The following KMT2C variants were observed in gnomAD, a reference collection of about 807,000 sequenced individuals.
The protein encoded by KMT2C is histone-lysine N-methyltransferase 2C.
A neutral mutation model predicts 507.9 loss-of-function variants in KMT2C; 88 were observed. The ratio of observed to expected loss-of-function variants is 0.17; its 90% CI spans 0.15 to 0.21. The LOEUF (loss-of-function observed/expected upper bound fraction) is 0.21. Ranked by LOEUF, KMT2C falls within the 10% of genes least tolerant of loss-of-function variation. KMT2C has a pLI of 1.00. For missense variants in KMT2C, 4,954 were observed against 5,957.8 expected (o/e 0.83, Z 5.55); for synonymous variants, 2,049 against 2,080.8 (o/e 0.98, Z 0.42).
intron 24 of KMT2C, among the ~76,000 whole-genome samples, chr7:152,206,208 G>A (rs10269962): frequency 0.042 from 6,324 of 152,084 alleles, 451 homozygotes; most frequent in African/African-American, 0.14. Flanking sequence ...TTTGTGAAAT[G>A]ATATCGTTGT....
At chr7:152,308,887 CAG>C (rs2096644768) in intron 6 of KMT2C, among the ~76,000 whole-genome samples, 1 of 152,014 alleles carries the variant, frequency 6.6e-6, no homozygotes, top group East Asian at 1.9e-4. Context: ...TATCACTTCA[CAG>C]AGTTTGCTGT....
At chr7:152,319,084 C>T (rs2096747816) in intron 3 of KMT2C, among the ~76,000 whole-genome samples, 1 of 152,100 alleles carries the variant, frequency 6.6e-6, no homozygotes, top group African/African-American at 2.4e-5. Context: ...CATAAAATTA[C>T]TTAAATATTC....
intron 14 of KMT2C, among the ~76,000 whole-genome samples, chr7:152,240,405 C>G (rs533746169): frequency 6.6e-6 from 1 of 151,914 alleles, no homozygotes; most frequent in African/African-American, 2.4e-5. Context: ...ATCTCCTGTA[C>G]GTGTTCTTCC....
At chr7:152,346,320 A>G (rs910284404) in intron 2 of KMT2C, among the ~76,000 whole-genome samples, 3 of 152,226 alleles carry the variant, frequency 2.0e-5, no homozygotes, top group Non-Finnish European at 4.4e-5. Flanking sequence ...TACAAGGTAG[A>G]CCACATTCTG....
At chr7:152,252,954 G>T (rs1356385826) in intron 9 of KMT2C, among the ~76,000 whole-genome samples, 1 of 151,986 alleles carries the variant, frequency 6.6e-6, no homozygotes, top group Non-Finnish European at 1.5e-5. Context: ...CTGGGTTCAA[G>T]TGATTCTCTC....
At chr7:152,304,685 A>G (rs1416528428) in intron 6 of KMT2C, among the ~76,000 whole-genome samples, 1 of 152,120 alleles carries the variant, frequency 6.6e-6, no homozygotes, top group East Asian at 1.9e-4. Context: ...GCTACATAAT[A>G]AAGGTCAGCA....
At chr7:152,242,320 TATG>T (rs1480201934) in intron 14 of KMT2C, among the ~76,000 whole-genome samples, 1 of 152,206 alleles carries the variant, frequency 6.6e-6, no homozygotes, top group Non-Finnish European at 1.5e-5. Context: ...AACAATGAAC[TATG>T]ATATGAAACA....
In KMT2C at chr7:152,162,365, C is replaced by T. The variant is rs757552168; in HGVS notation, c.11212G>A (p.Glu3738Lys). 2 of 1,614,240 alleles carry T rather than the reference C, an allele frequency of 1.2e-6. No individual in the cohort carries two copies. Among genetic ancestry groups the T allele is most frequent in the Non-Finnish European group, 1.7e-6 (2 of 1,180,046 alleles). The change falls in exon 43 of 59, where the codon GAA (glutamate) becomes AAA (lysine). Residue 3738 changes from glutamate (E) to lysine (K), a missense_variant. Physicochemically the swap from Glu to Lys is moderately conservative, Grantham distance 56. Around this residue, in one of 29 missense-constraint regions of KMT2C, gnomAD observed 801 missense variants for 751.2 expected, o/e 1.07. Transcript: ENST00000262189. ...CPGQEEPKLEEQNGSKVEGNA... is the reference protein window; with the variant it reads ...CPGQEEPKLEKQNGSKVEGNA... ...CCTTCTACCTTACTACCATTCTGTTCCTCCAATTTAGGCTCCTCTTGGCCT... is the reference window on the plus strand; with the variant it reads ...CCTTCTACCTTACTACCATTCTGTTTCTCCAATTTAGGCTCCTCTTGGCCT...
At chr7:152,412,954 T>C (rs2097698028) in intron 1 of KMT2C, among the ~76,000 whole-genome samples, 1 of 151,920 alleles carries the variant, frequency 6.6e-6, no homozygotes, top group Admixed American at 6.6e-5. Context: ...TCAGAATAAT[T>C]AAAAGGAGTT....
intron 1 of KMT2C, among the ~76,000 whole-genome samples, chr7:152,379,374 C>CT (rs1316873229): frequency 6.6e-6 from 1 of 152,078 alleles, no homozygotes; most frequent in East Asian, 1.9e-4. Flanking sequence ...CCCATCTCTA[C>CT]TAAATATACA....
chr7:152,340,973 T>C (rs1318203582), intron 2 of KMT2C, among the ~76,000 whole-genome samples: 1 of 152,248 alleles, frequency 6.6e-6, no homozygotes, highest in Non-Finnish European at 1.5e-5. Context: ...GTATTTCCTT[T>C]AGTTTTCCTA....
At chr7:152,305,205 C>T (rs1312052662) in intron 6 of KMT2C, among the ~76,000 whole-genome samples, 1 of 151,966 alleles carries the variant, frequency 6.6e-6, no homozygotes, top group African/African-American at 2.4e-5. Flanking sequence ...GGGAGATGAA[C>T]AATAAGTAAG....
chr7:152,432,065 CAAT>C (rs1445114748), intron 1 of KMT2C, among the ~76,000 whole-genome samples: 2 of 152,134 alleles, frequency 1.3e-5, no homozygotes, highest in Non-Finnish European at 2.9e-5. Flanking sequence ...TTTTCTACAA[CAAT>C]AATGCTTAAG....
intron 2 of KMT2C, among the ~76,000 whole-genome samples, chr7:152,332,260 A>G (rs2096891674): frequency 6.6e-6 from 1 of 152,108 alleles, no homozygotes; most frequent in African/African-American, 2.4e-5. Flanking sequence ...TAAAAATTAT[A>G]TGTCCACTCT....
intron 3 of KMT2C, among the ~76,000 whole-genome samples, chr7:152,330,154 G>C (rs1563884230): frequency 7.6e-6 from 1 of 130,778 alleles, no homozygotes; most frequent in African/African-American, 2.8e-5. Flanking sequence ...AAAAAAGGGA[G>C]GGGGGGAGGG....
rs2091567170 is a variant in KMT2C, at chr7:152,150,952, T to C, written c.12722A>G (p.Asn4241Ser). 5 of 1,613,670 alleles carry C rather than the reference T, an allele frequency of 3.1e-6. No homozygotes were observed. The highest frequency in any genetic ancestry group is 4.2e-6 in the Non-Finnish European group (5 of 1,179,800). ...AGTTGATGAATAAAGAATAAAGCAG[T>C]TATTACTACAGAAGACAATGTCCTT... ...VEKDIVFCSNNCFILYSSTAQ... is the reference protein window; with the variant it reads ...VEKDIVFCSNSCFILYSSTAQ... Residue 4241 changes from asparagine (N) to serine (S), a missense_variant, in exon 51 of 59, where the codon AAC becomes AGC. This residue lies in a region of KMT2C where 417 missense variants were observed against 461.1 expected (regional missense o/e 0.90). Coordinates refer to ENST00000262189, the MANE Select transcript of KMT2C (RefSeq NM_170606.3).
At chr7:152,427,389 T>C (rs1390200541) in intron 1 of KMT2C, among the ~76,000 whole-genome samples, 2 of 152,262 alleles carry the variant, frequency 1.3e-5, no homozygotes, top group African/African-American at 4.8e-5. Context: ...TTTGGGTTTA[T>C]GTGCTTTTCA....
At chr7:152,333,055 T>C (rs947468979) in intron 2 of KMT2C, among the ~76,000 whole-genome samples, 22 of 152,216 alleles carry the variant, frequency 1.4e-4, no homozygotes, top group African/African-American at 4.8e-4. Context: ...AGAGATATAA[T>C]AGTCTAATAT....
At position 152,154,105 on chromosome 7, in the gene KMT2C, T is replaced by C. The variant is rs960292962; in HGVS notation, c.12181A>G (p.Thr4061Ala). ...CCAAAAGGTGACGCAAAATATAAAG[T>C]GCCTGGCTCAGTTTTGATGTCATTC... ...RRNDIKTEPGTLYFASPFGPS... is the reference protein window; with the variant it reads ...RRNDIKTEPGALYFASPFGPS... The change falls in exon 48 of 59, where the codon ACT (threonine) becomes GCT (alanine). Residue 4061 changes from threonine (T) to alanine (A), a missense_variant. By Grantham distance (58) the Thr-to-Ala change is moderately conservative. This residue lies in a region of KMT2C where 417 missense variants were observed against 461.1 expected (regional missense o/e 0.90). Coordinates refer to ENST00000262189, the MANE Select transcript of KMT2C (RefSeq NM_170606.3). 1.9e-6 allele frequency: 3 copies of C among 1,614,138 alleles called. No homozygotes were observed. The East Asian group carries it at 6.7e-5, about 36-fold the overall frequency.
Sources: gnomAD v4.1 joint callset for allele counts (sites outside exome capture counted in the v4.1 genomes callset) on GRCh38, gnomAD v4.1.1 for gene constraint, gnomAD v4.1.1 regional missense constraint, MANE v1.5 for transcripts, NCBI Gene and HGNC (gene_info 2026-07-23, HGNC 2026-07-21) for gene names.